The following CORO1C variants were observed in gnomAD, a reference collection of about 807,000 sequenced individuals.
CORO1C encodes coronin-1C.
Under a neutral mutation model 51.2 loss-of-function variants are expected in CORO1C, and 14 were observed. That is an observed-to-expected ratio of 0.27 (90% CI 0.18 to 0.43). The LOEUF (loss-of-function observed/expected upper bound fraction) is 0.43. CORO1C is among the 20% of genes least tolerant of loss of function. The pLI is 1.00. For missense variants in CORO1C, 417 were observed against 607.8 expected (o/e 0.69, Z 3.30); for synonymous variants, 181 against 210.5 (o/e 0.86, Z 1.21).
At chr12:108,699,143 C>G (rs761018453) in intron 2 of CORO1C, among the ~76,000 whole-genome samples, 1 of 152,200 alleles carries the variant, frequency 6.6e-6, no homozygotes, top group Non-Finnish European at 1.5e-5. Context: ...CTTATTCTAT[C>G]CTAGTTCCCA....
At chr12:108,676,104 T>C (rs911300330) in intron 3 of CORO1C, among the ~76,000 whole-genome samples, 15 of 152,066 alleles carry the variant, frequency 9.9e-5, no homozygotes, top group African/African-American at 3.6e-4. Flanking sequence ...CAATCTAGAG[T>C]CTAGAGGTAT....
intron 8 of CORO1C, 30 bp downstream of exon 8, chr12:108,652,242 C>T (rs2032707388): frequency 6.2e-7 from 1 of 1,607,150 alleles, no homozygotes; most frequent in Non-Finnish European, 8.5e-7. Flanking sequence ...TTACACCAAC[C>T]TAGAATACTT....
chr12:108,661,605 A>C (rs1358036104), intron 4 of CORO1C, among the ~76,000 whole-genome samples: 1 of 152,162 alleles, frequency 6.6e-6, no homozygotes, highest in Non-Finnish European at 1.5e-5. Flanking sequence ...GGAAAATCAA[A>C]GTTTTCTTTA....
At chr12:108,717,469 T>TG (rs2035367290) in intron 1 of CORO1C, among the ~76,000 whole-genome samples, 4 of 152,240 alleles carry the variant, frequency 2.6e-5, no homozygotes, top group Admixed American at 2.6e-4. Context: ...AGAATGGATC[T>TG]GCACGTGGGA....
At chr12:108,708,902 G>A (rs1056564424) in intron 1 of CORO1C, among the ~76,000 whole-genome samples, 1 of 151,770 alleles carries the variant, frequency 6.6e-6, no homozygotes, top group Non-Finnish European at 1.5e-5. Flanking sequence ...ACAAGCGTAC[G>A]CCACCACACC....
intron 3 of CORO1C, among the ~76,000 whole-genome samples, chr12:108,677,996 G>T (rs955820659): frequency 6.6e-6 from 1 of 151,080 alleles, no homozygotes; most frequent in African/African-American, 2.4e-5. Flanking sequence ...TCCAGCCTGG[G>T]TGACAGAGCA....
intron 3 of CORO1C, chr12:108,668,440 A>G (rs539508001): frequency 1.8e-4 from 27 of 152,340 alleles, no homozygotes; most frequent in African/African-American, 6.0e-4. Flanking sequence ...GGCAAAAACT[A>G]TATTAGAAAG....
chr12:108,690,170 C>T (rs1396243376), intron 2 of CORO1C, among the ~76,000 whole-genome samples: 1 of 152,114 alleles, frequency 6.6e-6, no homozygotes, highest in Non-Finnish European at 1.5e-5. Flanking sequence ...GACGGGTGCA[C>T]ACAATATATG....
intron 1 of CORO1C, among the ~76,000 whole-genome samples, chr12:108,726,405 C>T (rs1206652420): frequency 2.0e-5 from 3 of 147,666 alleles, no homozygotes; most frequent in Non-Finnish European, 1.5e-5. Flanking sequence ...CTAGCCTGGG[C>T]GACAGAGTGA....
chr12:108,726,175 T>G (rs1371885263), intron 1 of CORO1C, among the ~76,000 whole-genome samples: 1 of 152,078 alleles, frequency 6.6e-6, no homozygotes, highest in African/African-American at 2.4e-5. Context: ...AAACATAATC[T>G]GGGAGGCCGA....
At chr12:108,688,914 C>T (rs141048623) in intron 2 of CORO1C, among the ~76,000 whole-genome samples, 2,856 of 152,116 alleles carry the variant, frequency 0.019, 80 homozygotes, top group African/African-American at 0.065. Context: ...CCTGTAATCC[C>T]GGCTACTCGG....
chr12:108,646,057 CAT>C lies in CORO1C; in HGVS notation c.*1344_*1345del, dbSNP rs767708215. 6.6e-6 allele frequency: 1 copy of C among 152,280 alleles called. No homozygotes were observed. Among genetic ancestry groups the C allele is most frequent in the African/African-American group, 2.4e-5 (1 of 41,520 alleles). The allele number at this position is 152,280 out of a possible 1,614,324, so 9.4% of individuals were successfully genotyped here. On this transcript the variant is annotated 3_prime_UTR_variant, in exon 11 of 11. Transcript: ENST00000261401. The stretch of plus-strand genomic sequence containing the variant: ...AGGGCAGGTTAGTTGTGCGGAGGGA[CAT>C]GTTTGTATGCATTAAAGCTACAGCA...
At chr12:108,704,051 C>T (rs949268487) in intron 1 of CORO1C, among the ~76,000 whole-genome samples, 1 of 152,170 alleles carries the variant, frequency 6.6e-6, no homozygotes, top group Admixed American at 6.5e-5. Context: ...GATTTTTCCT[C>T]TTCACTCAAA....
At chr12:108,706,186 C>CAAAAAAAAAAAAA (rs368147183) in intron 1 of CORO1C, among the ~76,000 whole-genome samples, 7 of 118,488 alleles carry the variant, frequency 5.9e-5, no homozygotes, top group Non-Finnish European at 1.1e-4. Flanking sequence ...GACTCTGAAT[C>CAAAAAAAAAAAAA]AAAAAAAAAC....
At chr12:108,705,347 C>T (rs950214309) in intron 1 of CORO1C, among the ~76,000 whole-genome samples, 1 of 149,666 alleles carries the variant, frequency 6.7e-6, no homozygotes, top group Non-Finnish European at 1.5e-5. Context: ...GGAGTCCCAG[C>T]TACTAGGGAG....
chr12:108,718,666 T>C (rs1437546495), intron 1 of CORO1C, among the ~76,000 whole-genome samples: 1 of 152,202 alleles, frequency 6.6e-6, no homozygotes, highest in East Asian at 1.9e-4. Flanking sequence ...GCGCTTACAA[T>C]CTTACTGCAC....
chr12:108,730,407 C>CAG (rs1565944052), intron 1 of CORO1C: 1 of 152,344 alleles, frequency 6.6e-6, no homozygotes, highest in Admixed American at 6.5e-5. Flanking sequence ...GCTCTCACCG[C>CAG]AGCCTGCCAC....
chr12:108,684,290 A>G (rs896608229), intron 2 of CORO1C, among the ~76,000 whole-genome samples: 5 of 152,232 alleles, frequency 3.3e-5, no homozygotes, highest in Admixed American at 1.3e-4. Flanking sequence ...AAGTATAAAT[A>G]TAAGTGCTGA....
chr12:108,706,382 T>TC (rs374081311), intron 1 of CORO1C, among the ~76,000 whole-genome samples: 1 of 152,108 alleles, frequency 6.6e-6, no homozygotes, highest in African/African-American at 2.4e-5. Flanking sequence ...GATGAGCTTG[T>TC]CCACCCTTGC....
Sources: allele counts gnomAD v4.1 joint callset (sites outside exome capture counted in the v4.1 genomes callset), GRCh38; gene constraint gnomAD v4.1.1; transcripts MANE v1.5; gene names NCBI Gene and HGNC (gene_info 2026-07-23, HGNC 2026-07-21).